Variants in TRHDE observed in about 807,000 individuals in gnomAD.
TRHDE encodes thyrotropin releasing hormone degrading enzyme.
A neutral mutation model predicts 125.7 loss-of-function variants in TRHDE; 72 were observed. The ratio of observed to expected loss-of-function variants is 0.57; its 90% CI spans 0.47 to 0.70. The LOEUF (loss-of-function observed/expected upper bound fraction) is 0.70, where lower values mean the gene tolerates loss of function less well. Ranked by LOEUF, TRHDE falls within the 30% of genes least tolerant of loss-of-function variation. The pLI, the probability that TRHDE is intolerant of heterozygous loss-of-function variation, is 0.00. For missense variants in TRHDE, 1,110 were observed against 1,327.1 expected, an observed-to-expected ratio of 0.84 and a Z score of 2.54; for synonymous variants, 509 against 509.1, an observed-to-expected ratio of 1.00 and a Z score of 0.00.
intron 10 of TRHDE, among the ~76,000 whole-genome samples, chr12:72,571,974 A>C (rs201077224): frequency 5.5e-5 from 7 of 127,516 alleles, no homozygotes; most frequent in African/African-American, 1.4e-4. Context: ...TGACTCTGCA[A>C]ACACACACAC....
At chr12:72,366,648 A>G (rs1871350452) in intron 2 of TRHDE, among the ~76,000 whole-genome samples, 1 of 152,060 alleles carries the variant, frequency 6.6e-6, no homozygotes. Flanking sequence ...ACACACTTTA[A>G]GTATAAGAGC....
At position 72,155,464 on chromosome 12, in the gene TRHDE, C is replaced by T. The variant is rs369246584; in HGVS notation, n.279+49712C>T. Among the ~76,000 whole-genome samples, 27 of 152,246 alleles carry T rather than the reference C, an allele frequency of 1.8e-4. No individual in the cohort carries two copies. The South Asian group carries it at 1.9e-3, about 11-fold the overall frequency. ...CTGTGTTCCTTTGGAGGAGGAGAGG[C>T]GCTCTGATTTTTAGAGTTTCCGGTT... On this transcript the variant is annotated intron_variant and non_coding_transcript_variant, in intron 2 of 4. Coordinates refer to the TRHDE transcript ENST00000548156.
chr12:72,601,859 T>G (rs2136059862), intron 12 of TRHDE, among the ~76,000 whole-genome samples: 1 of 152,240 alleles, frequency 6.6e-6, no homozygotes, highest in Non-Finnish European at 1.5e-5. Context: ...CCAAAAAAAT[T>G]TGTGACTTTC....
At chr12:72,547,725 A>G (rs1464632788) in intron 7 of TRHDE, among the ~76,000 whole-genome samples, 3 of 151,726 alleles carry the variant, frequency 2.0e-5, no homozygotes. Flanking sequence ...TGTTCTCCCA[A>G]CCCAGGACTT....
chr12:72,581,686 G>A (rs1226827655), intron 12 of TRHDE, among the ~76,000 whole-genome samples: 1 of 152,030 alleles, frequency 6.6e-6, no homozygotes, highest in Non-Finnish European at 1.5e-5. Context: ...CCCATGATGA[G>A]GGCAAATTAT....
In TRHDE at chr12:72,252,080, A is replaced by G. The variant is rs530608627; in HGVS notation, n.280-125915A>G. On this transcript the variant is annotated intron_variant and non_coding_transcript_variant, in intron 2 of 4. Coordinates refer to the TRHDE transcript ENST00000548156. ...ATGTGGCTTGCAAATATTTTCTTTC[A>G]GTCTGTAGCTTATATTTTTTATCCT... is the stretch of plus-strand genomic sequence containing the variant. Among the ~76,000 whole-genome samples, 246 of 152,012 alleles carry G rather than the reference A, an allele frequency of 1.6e-3. 4 individuals carry two copies. Among genetic ancestry groups the G allele is most frequent in the Non-Finnish European group, 7.2e-4 (49 of 67,944 alleles).
chr12:72,237,605 T>C (rs1251529123), intron 2 of TRHDE, among the ~76,000 whole-genome samples: 1 of 152,200 alleles, frequency 6.6e-6, no homozygotes, highest in Non-Finnish European at 1.5e-5. Flanking sequence ...TCACGAGATC[T>C]GATGGTTTAA....
chr12:72,569,926 A>T (rs994898246), intron 10 of TRHDE, among the ~76,000 whole-genome samples: 1 of 152,160 alleles, frequency 6.6e-6, no homozygotes, highest in Non-Finnish European at 1.5e-5. Context: ...TTTTCCTGTC[A>T]TGTAGTTGTT....
chr12:72,213,731 G>A (rs900671444), intron 2 of TRHDE, among the ~76,000 whole-genome samples: 3 of 152,110 alleles, frequency 2.0e-5, no homozygotes, highest in Non-Finnish European at 4.4e-5. Flanking sequence ...TTATTTGCAT[G>A]CCATAACATA....
intron 10 of TRHDE, among the ~76,000 whole-genome samples, chr12:72,569,925 C>T (rs1195562035): frequency 1.3e-5 from 2 of 152,030 alleles, no homozygotes; most frequent in African/African-American, 2.4e-5. Flanking sequence ...CTTTTCCTGT[C>T]ATGTAGTTGT....
rs527411335 is a variant in TRHDE, at chr12:72,517,147, T to C, written c.1722+17512T>C. Among the ~76,000 whole-genome samples, 10 of 151,820 alleles carry C rather than the reference T, an allele frequency of 6.6e-5. No homozygotes were observed. The East Asian group carries it at 1.9e-3, about 29-fold the overall frequency. Reference sequence around the variant, plus strand: ...CTGCCAGGCTTTGGTATCAGGATGATGCTGGCCTCATAAAATGAGTTAGGG... The same window carrying C: ...CTGCCAGGCTTTGGTATCAGGATGACGCTGGCCTCATAAAATGAGTTAGGG... On this transcript the variant is annotated intron_variant, in intron 6 of 18. Transcript: ENST00000261180.
chr12:72,507,797 C>G (rs1320912657), intron 6 of TRHDE, among the ~76,000 whole-genome samples: 2 of 152,232 alleles, frequency 1.3e-5, no homozygotes, highest in Admixed American at 1.3e-4. Flanking sequence ...CTTTTAGCAG[C>G]TCCTCCCATC....
chr12:72,649,449 A>G (rs1874416530), intron 15 of TRHDE, among the ~76,000 whole-genome samples: 1 of 152,152 alleles, frequency 6.6e-6, no homozygotes, highest in African/African-American at 2.4e-5. Context: ...TAAACTTCTT[A>G]AAGAAATCAT....
At chr12:72,363,983 A>G (rs1270188851) in intron 2 of TRHDE, among the ~76,000 whole-genome samples, 2 of 152,002 alleles carry the variant, frequency 1.3e-5, no homozygotes, top group Non-Finnish European at 2.9e-5. Flanking sequence ...AATAACAGAC[A>G]AACAGAGAGC....
chr12:72,362,639 A>G (rs1871152914), intron 2 of TRHDE, among the ~76,000 whole-genome samples: 1 of 150,832 alleles, frequency 6.6e-6, no homozygotes, highest in African/African-American at 2.4e-5. Flanking sequence ...GTCCTTGCCC[A>G]TGCCTATGTC....
At position 72,125,043 on chromosome 12, in the gene TRHDE, T is replaced by G. The variant is rs76395745; in HGVS notation, n.279+19291T>G. Among the ~76,000 whole-genome samples the G allele has an allele frequency of 3.8e-3, 574 of 152,336 alleles. 1 individual carries two copies. Among genetic ancestry groups the G allele is most frequent in the Admixed American group, 8.4e-3 (128 of 15,298 alleles). ...CTCCTCAGATATGATATATCCTTGT[T>G]TCCTAAAAACACTGCTAGATTCAAT... is the stretch of plus-strand genomic sequence containing the variant. On this transcript the variant is annotated intron_variant and non_coding_transcript_variant, in intron 2 of 4. Transcript: ENST00000548156.
chr12:72,488,152 A>G (rs1877499195), intron 5 of TRHDE, among the ~76,000 whole-genome samples: 2 of 152,218 alleles, frequency 1.3e-5, no homozygotes, highest in African/African-American at 4.8e-5. Flanking sequence ...TGAAATGGCA[A>G]TAGTAACCTA....
intron 6 of TRHDE, among the ~76,000 whole-genome samples, chr12:72,536,123 A>G (rs762064872): frequency 1.3e-5 from 2 of 152,160 alleles, no homozygotes; most frequent in Admixed American, 6.6e-5. Context: ...TGTAGACTAT[A>G]TACTAGCCAA....
intron 6 of TRHDE, among the ~76,000 whole-genome samples, chr12:72,515,004 A>G (rs1878776815): frequency 6.8e-6 from 1 of 147,948 alleles, no homozygotes; most frequent in Admixed American, 6.8e-5. Context: ...TCCATGGTGT[A>G]TATGTGCCAC....
Sources: allele counts gnomAD v4.1 joint callset (sites outside exome capture counted in the v4.1 genomes callset), GRCh38; gene constraint gnomAD v4.1.1; transcripts MANE v1.5; gene names NCBI Gene and HGNC (gene_info 2026-07-23, HGNC 2026-07-21).